The following TRPS1 variants were observed in gnomAD, a reference collection of about 807,000 sequenced individuals.
The protein encoded by TRPS1 is zinc finger transcription factor Trps1.
A neutral mutation model predicts 101.2 loss-of-function variants in TRPS1; 6 were observed. That is an observed-to-expected ratio of 0.06 (90% CI 0.03 to 0.12). The LOEUF (loss-of-function observed/expected upper bound fraction) is 0.12. TRPS1 is among the 10% of genes least tolerant of loss of function. The pLI is 1.00. For synonymous variants in TRPS1, 578 were observed against 589.8 expected, an observed-to-expected ratio of 0.98 and a Z score of 0.29; for missense variants, 1,363 against 1,567.0, an observed-to-expected ratio of 0.87 and a Z score of 2.20.
rs748214781 is a variant in TRPS1, at chr8:115,414,674, G to A, written c.3234C>T (p.Gly1078=). 6.2e-7 allele frequency: 1 copy of A among 1,614,062 alleles called. No homozygotes were observed. The highest frequency in any genetic ancestry group is 1.7e-5 in the Admixed American group (1 of 60,024). The part of the protein sequence containing the change: ...VSEGKGSSER[G]SPIEKYMRPA... The stretch of plus-strand genomic sequence containing the variant: ...GTCTCATGTACTTTTCTATAGGACT[G>A]CCTCTCTCAGAACTTCCTTTCCCTT... The change falls in exon 7 of 7, where the codon GGC becomes GGT. Residue 1078 remains glycine, a synonymous_variant. Coordinates refer to ENST00000395715, the MANE Select transcript of TRPS1 (RefSeq NM_014112.5). The surrounding 1 kb of genome is among the most constrained non-coding windows in gnomAD (Gnocchi z 4.8).
chr8:115,665,753 C>T (rs186337873), intron 1 of TRPS1, among the ~76,000 whole-genome samples: 1 of 152,234 alleles, frequency 6.6e-6, no homozygotes, highest in African/African-American at 2.4e-5. Context: ...TTAACGTTAC[C>T]TTTAAGAGAC....
chr8:115,440,121 A>G (rs1813554455), intron 5 of TRPS1, among the ~76,000 whole-genome samples: 1 of 152,232 alleles, frequency 6.6e-6, no homozygotes, highest in Non-Finnish European at 1.5e-5. Flanking sequence ...ATTGGTCACA[A>G]TGATGAAAAT....
At chr8:115,488,372 C>G (rs1196563875) in intron 5 of TRPS1, among the ~76,000 whole-genome samples, 1 of 152,166 alleles carries the variant, frequency 6.6e-6, no homozygotes, top group East Asian at 1.9e-4. Flanking sequence ...CCACAGTTAT[C>G]TCCAAGGTAT....
Position 115,413,845 on chromosome 8 carries a change from C to A in TRPS1, c.*178G>T. The A allele has an allele frequency of 1.6e-6, 1 of 641,898 alleles. No homozygotes were observed. Among genetic ancestry groups the A allele is most frequent in the Non-Finnish European group, 2.6e-6 (1 of 381,316 alleles). 39.8% of individuals were successfully genotyped at this position (641,898 alleles called of 1,614,324 possible). ...TCTTTCTCATTGACCATTTATCTCA[C>A]TTTTTAATCTTGGTAACCTACTCAT... is the stretch of plus-strand genomic sequence containing the variant. On this transcript the variant is annotated 3_prime_UTR_variant, in exon 7 of 7. Coordinates refer to ENST00000395715, the MANE Select transcript of TRPS1 (RefSeq NM_014112.5).
intron 5 of TRPS1, among the ~76,000 whole-genome samples, chr8:115,490,163 G>A (rs1814986270): frequency 6.6e-6 from 1 of 152,064 alleles, no homozygotes; most frequent in Non-Finnish European, 1.5e-5. Context: ...ACCAAGACAA[G>A]GAAGTTTTAC....
chr8:115,570,709 A>ACACACT (rs113834415), intron 5 of TRPS1, among the ~76,000 whole-genome samples: 5,282 of 151,042 alleles, frequency 0.035, 287 homozygotes, highest in African/African-American at 0.12. Context: ...ACACACACAC[A>ACACACT]CACACACACA....
chr8:115,577,232 G>A (rs1173405501), intron 5 of TRPS1, among the ~76,000 whole-genome samples: 6 of 151,992 alleles, frequency 3.9e-5, no homozygotes, highest in Non-Finnish European at 8.8e-5. Flanking sequence ...TTATTTTTAA[G>A]TAAAGTGAAT....
At chr8:115,506,778 T>G (rs189498706) in intron 5 of TRPS1, among the ~76,000 whole-genome samples, 1 of 152,232 alleles carries the variant, frequency 6.6e-6, no homozygotes, top group African/African-American at 2.4e-5. Flanking sequence ...GAGACACATT[T>G]GTAAAATGTT....
chr8:115,657,984 A>G (rs1342996460), intron 1 of TRPS1, among the ~76,000 whole-genome samples: 1 of 152,100 alleles, frequency 6.6e-6, no homozygotes, highest in African/African-American at 2.4e-5. Flanking sequence ...ACTCCTCCAG[A>G]AACTAAAATA....
At chr8:115,511,997 C>T (rs566051539) in intron 5 of TRPS1, among the ~76,000 whole-genome samples, 6 of 151,870 alleles carry the variant, frequency 4.0e-5, no homozygotes, top group South Asian at 2.1e-4. Context: ...TAGAAACTAT[C>T]GCATCAACGT....
At chr8:115,608,671 T>C (rs1818094350) in intron 3 of TRPS1, among the ~76,000 whole-genome samples, 1 of 151,502 alleles carries the variant, frequency 6.6e-6, no homozygotes, top group African/African-American at 2.5e-5. Flanking sequence ...ATTTGTGCTG[T>C]CCAATAGTAC....
intron 5 of TRPS1, among the ~76,000 whole-genome samples, chr8:115,537,898 T>TCTA (rs1046080820): frequency 2.6e-5 from 4 of 152,282 alleles, no homozygotes; most frequent in Middle Eastern, 3.4e-3. Context: ...CCTCCAGTGT[T>TCTA]CTACTAATTG....
At chr8:115,539,349 T>G (rs1816397866) in intron 5 of TRPS1, among the ~76,000 whole-genome samples, 1 of 152,250 alleles carries the variant, frequency 6.6e-6, no homozygotes. Context: ...TCTAACTCAA[T>G]CTATTTAGCT....
chr8:115,465,143 C>T (rs573566500), intron 5 of TRPS1, among the ~76,000 whole-genome samples: 21 of 152,126 alleles, frequency 1.4e-4, no homozygotes, highest in African/African-American at 4.8e-4. Context: ...ATTTTAAATA[C>T]TTAACCACCA....
At chr8:115,476,001 C>CTT (rs1814597285) in intron 5 of TRPS1, among the ~76,000 whole-genome samples, 1 of 55,950 alleles carries the variant, frequency 1.8e-5, no homozygotes, top group Non-Finnish European at 2.8e-5. Context: ...AGAAAATATA[C>CTT]TTTCTTTTTT....
At chr8:115,422,322 T>C (rs888813523) in intron 5 of TRPS1, among the ~76,000 whole-genome samples, 7 of 152,134 alleles carry the variant, frequency 4.6e-5, no homozygotes, top group Admixed American at 6.5e-5. Context: ...GTTGATGATA[T>C]AGAAGACACA....
At chr8:115,454,919 T>C (rs887542158) in intron 5 of TRPS1, among the ~76,000 whole-genome samples, 12 of 152,226 alleles carry the variant, frequency 7.9e-5, no homozygotes, top group Admixed American at 7.2e-4. Context: ...GTGAGGTCTC[T>C]GTAAGCCTTA....
chr8:115,508,513 G>C (rs1381259122), intron 5 of TRPS1, among the ~76,000 whole-genome samples: 1 of 151,994 alleles, frequency 6.6e-6, no homozygotes, highest in Non-Finnish European at 1.5e-5. Context: ...AAACACATGA[G>C]TTACCTAACA....
rs546466877 is a variant in TRPS1, at chr8:115,589,565, T to C, written c.2097-1961A>G. 2.0e-5 allele frequency among the ~76,000 whole-genome samples: 3 copies of C among 152,168 alleles called. No individual in the cohort carries two copies. The East Asian group carries it at 5.8e-4, about 29-fold the overall frequency. On this transcript the variant is annotated intron_variant, in intron 4 of 6. Coordinates refer to ENST00000395715, the MANE Select transcript of TRPS1 (RefSeq NM_014112.5). ...CCTATTTTTTTCATTGTTTAAGTAG[T>C]AAAGAAATATACAACAAATGACAAA...
Sources: gnomAD v4.1 joint callset for allele counts (sites outside exome capture counted in the v4.1 genomes callset) on GRCh38, gnomAD v4.1.1 for gene constraint, Gnocchi (gnomAD v3.1) non-coding constraint, MANE v1.5 for transcripts, NCBI Gene and HGNC (gene_info 2026-07-23, HGNC 2026-07-21) for gene names.